APOOL: variants seen among roughly 807,000 people sequenced by gnomAD.
The protein encoded by APOOL is apolipoprotein O like, also known as MICOS complex subunit MIC27.
Under a neutral mutation model 23.1 loss-of-function variants are expected in APOOL, and 12 were observed. The ratio of observed to expected loss-of-function variants is 0.52; its 90% CI spans 0.33 to 0.84. APOOL has a LOEUF of 0.84. Among genes scored for constraint, APOOL ranks in the 40% least tolerant of loss-of-function variants. APOOL has a pLI of 0.02. For missense variants in APOOL, 212 were observed against 199.6 expected, an observed-to-expected ratio of 1.06 and a Z score of -0.37; for synonymous variants, 77 against 69.9, an observed-to-expected ratio of 1.10 and a Z score of -0.51.
At chrX:85,065,521 T>C (rs181768645) in intron 5 of APOOL, among the ~76,000 whole-genome samples, 166 of 111,762 alleles carry the variant, frequency 1.5e-3, no homozygotes, top group Non-Finnish European at 2.7e-3. Context: ...GGTAATGGTT[T>C]TTCCTTTCCA....
chrX:85,041,742 C>T (rs745644765), intron 1 of APOOL, among the ~76,000 whole-genome samples: 2 of 111,225 alleles, frequency 1.8e-5, no homozygotes, highest in Admixed American at 9.5e-5. Flanking sequence ...ATGGGGATCT[C>T]CTGTGTCCAG....
rs949033711 is a variant in APOOL at position 85,092,899 on chromosome X, T to C, written c.*5221T>C. 6.2e-6 allele frequency: 2 copies of C among 322,928 alleles called. No homozygotes were observed. Among genetic ancestry groups the C allele is most frequent in the African/African-American group, 5.3e-5 (2 of 37,906 alleles). The allele number at this position is 322,928 out of a possible 1,213,427, so 26.6% of individuals were successfully genotyped here. On this transcript the variant is annotated 3_prime_UTR_variant, in exon 9 of 9. Transcript: ENST00000373173. ...AATATTCATACTGTGAGCCTGTGTT[T>C]TTGAATAAAAATGCTTTCTAATCTC...
At chrX:85,082,875 A>G (rs780453163) in intron 8 of APOOL, among the ~76,000 whole-genome samples, 6 of 111,750 alleles carry the variant, frequency 5.4e-5, no homozygotes, top group African/African-American at 1.3e-4. Flanking sequence ...TTTTTTGTGG[A>G]TTCGGAGACT....
intron 1 of APOOL, among the ~76,000 whole-genome samples, chrX:85,044,616 C>T (rs1922512352): frequency 9.0e-6 from 1 of 111,016 alleles, no homozygotes; most frequent in Non-Finnish European, 1.9e-5. Context: ...TGCCATACTG[C>T]CTCCTCAATA....
Position 85,028,961 on chromosome X carries a change from A to T in APOOL, c.16-17485A>T, listed in dbSNP as rs1048893434. Among the ~76,000 whole-genome samples, 5 of 111,560 alleles carry T rather than the reference A, an allele frequency of 4.5e-5. No homozygotes were observed. The East Asian group carries it at 1.4e-3, about 31-fold the overall frequency. ...TTGGTGGACACTTAGGTTGTTTCCAAATCTTAGCTATTGTGAACATTGCTG... is the reference window on the plus strand; with the variant it reads ...TTGGTGGACACTTAGGTTGTTTCCATATCTTAGCTATTGTGAACATTGCTG... On this transcript the variant is annotated intron_variant, in intron 1 of 8. Transcript: ENST00000373173.
intron 1 of APOOL, among the ~76,000 whole-genome samples, chrX:85,014,542 T>G (rs1232374797): frequency 1.2e-5 from 1 of 83,214 alleles, no homozygotes; most frequent in Non-Finnish European, 2.4e-5. Context: ...TTTTTTTTTT[T>G]GTCTGAAAAC....
intron 3 of APOOL, among the ~76,000 whole-genome samples, chrX:85,053,007 G>A (rs1165045833): frequency 2.7e-5 from 3 of 111,619 alleles, no homozygotes; most frequent in Non-Finnish European, 5.7e-5. Context: ...TGTCCTAAAT[G>A]TAAACAATTT....
chrX:85,011,311 G>A (rs1338275604), intron 1 of APOOL, among the ~76,000 whole-genome samples: 2 of 111,016 alleles, frequency 1.8e-5, no homozygotes, highest in Admixed American at 9.6e-5. Flanking sequence ...CTGCTATTTT[G>A]TTTGCTGTGT....
rs1924387724 is a variant in APOOL, at chrX:85,088,077, CATATAT to C, written c.*400_*405del. 1.3e-3 allele frequency: 4 copies of C among 2,988 alleles called. 1 individual carries two copies. Among genetic ancestry groups the C allele is most frequent in the African/African-American group, 3.4e-3 (4 of 1,194 alleles). The allele number at this position is 2,988 out of a possible 1,213,427, so 0.2% of individuals were successfully genotyped here. On this transcript the variant is annotated 3_prime_UTR_variant, in exon 9 of 9. Transcript: ENST00000373173. ...ATACATATATGTATAAATACATATA[CATATAT>C]GTATAAATACATATACATATTTATA...
intron 1 of APOOL, 104 bp from the exon 2 acceptor site, chrX:85,046,342 A>G: frequency 4.7e-6 from 3 of 631,647 alleles, no homozygotes. Flanking sequence ...TTAATATATT[A>G]AAGTGAAACC....
rs1199278876 is a variant in APOOL, at chrX:85,088,201, T to C, written c.*523T>C. On this transcript the variant is annotated 3_prime_UTR_variant, in exon 9 of 9. Coordinates refer to ENST00000373173, the MANE Select transcript of APOOL (RefSeq NM_198450.6). The stretch of plus-strand genomic sequence containing the variant: ...GTATAAATACATACATATTTATACA[T>C]ATATATGTATAAATACATACATATT... 1 of 20,469 alleles carries C rather than the reference T, an allele frequency of 4.9e-5. No homozygotes were observed. The highest frequency in any genetic ancestry group is 1.2e-4 in the African/African-American group (1 of 8,105). 1.7% of individuals were successfully genotyped at this position (20,469 alleles called of 1,213,427 possible).
intron 6 of APOOL, among the ~76,000 whole-genome samples, chrX:85,072,516 G>C (rs774468939): frequency 1.5e-4 from 17 of 110,323 alleles, no homozygotes; most frequent in Non-Finnish European, 3.0e-4. Context: ...TAAGGGTTAT[G>C]GTCCCAGTTG....
intron 1 of APOOL, among the ~76,000 whole-genome samples, chrX:85,010,523 C>G (rs1921242047): frequency 9.0e-6 from 1 of 111,178 alleles, no homozygotes; most frequent in Non-Finnish European, 1.9e-5. Context: ...TCCCAAGTCC[C>G]CAAAGTGCAT....
chrX:85,050,885 T>G (rs1922742349), intron 2 of APOOL, among the ~76,000 whole-genome samples: 1 of 111,367 alleles, frequency 9.0e-6, no homozygotes, highest in Admixed American at 9.6e-5. Flanking sequence ...CCTCCTTTAC[T>G]TTTTAATTTT....
At chrX:85,077,855 A>AT (rs766515970) in intron 8 of APOOL, among the ~76,000 whole-genome samples, 52 of 111,175 alleles carry the variant, frequency 4.7e-4, no homozygotes, top group Non-Finnish European at 9.1e-4. Flanking sequence ...GATGATGAGC[A>AT]TTTTTTCATG....
chrX:85,011,060 G>C (rs919671594), intron 1 of APOOL, among the ~76,000 whole-genome samples: 1 of 111,303 alleles, frequency 9.0e-6, no homozygotes, highest in South Asian at 3.7e-4. Context: ...AGATGGTATC[G>C]TATTGTGGTT....
At chrX:85,063,424 G>T (rs1259868727) in intron 5 of APOOL, among the ~76,000 whole-genome samples, 1 of 111,405 alleles carries the variant, frequency 9.0e-6, no homozygotes, top group East Asian at 2.8e-4. Flanking sequence ...GTGAGAGAGG[G>T]CATCCTTGTC....
At chrX:85,049,452 A>G (rs1922685773) in intron 2 of APOOL, among the ~76,000 whole-genome samples, 1 of 111,579 alleles carries the variant, frequency 9.0e-6, no homozygotes, top group Non-Finnish European at 1.9e-5. Flanking sequence ...AAAACTACAT[A>G]TACAAAATTT....
chrX:85,031,725 C>T (rs1569454834), intron 1 of APOOL, among the ~76,000 whole-genome samples: 1 of 111,713 alleles, frequency 9.0e-6, no homozygotes, highest in Non-Finnish European at 1.9e-5. Flanking sequence ...ATGTGCTTGA[C>T]ATGTTTGGGG....
Sources: gnomAD v4.1 joint callset for allele counts (sites outside exome capture counted in the v4.1 genomes callset) on GRCh38, gnomAD v4.1.1 for gene constraint, MANE v1.5 for transcripts, NCBI Gene and HGNC (gene_info 2026-07-23, HGNC 2026-07-21) for gene names.